AKT3: variants seen among roughly 807,000 people sequenced by gnomAD.
AKT3 encodes the protein RAC-gamma serine/threonine-protein kinase.
In AKT3, 15 loss-of-function variants were observed where a neutral mutation model predicts 65.3. The observed-to-expected ratio is 0.23, with a 90% CI of 0.15 to 0.35. The LOEUF (loss-of-function observed/expected upper bound fraction) is 0.35. Ranked by LOEUF, AKT3 falls within the 10% of genes least tolerant of loss-of-function variation. The pLI is 1.00. For synonymous variants in AKT3, 206 were observed against 183.8 expected (o/e 1.12, Z -0.98); for missense variants, 243 against 576.5 (o/e 0.42, Z 5.92).
chr1:243,641,107 G>T (rs551641903), intron 5 of AKT3, among the ~76,000 whole-genome samples: 18 of 152,120 alleles, frequency 1.2e-4, no homozygotes, highest in African/African-American at 4.3e-4. Context: ...TGCTGTGCTG[G>T]AGGCTTCCTG....
Position 243,825,191 on chromosome 1 carries a change from G to A in AKT3, c.46+17934C>T, listed in dbSNP as rs149714307. The stretch of plus-strand genomic sequence containing the variant: ...ACCACATGTTCTCACTTCTAAGTGG[G>A]AGCTGAACAATGAGAACACATGGAC... On this transcript the variant is annotated intron_variant, in intron 2 of 13. Coordinates refer to ENST00000673466, the MANE Select transcript of AKT3 (RefSeq NM_005465.7). Among the ~76,000 whole-genome samples the A allele has an allele frequency of 4.9e-3, 742 of 152,296 alleles. 2 individuals are homozygous for A. The highest frequency in any genetic ancestry group is 7.6e-3 in the Non-Finnish European group (515 of 68,032).
chr1:243,599,560 T>C (rs1358754580), intron 8 of AKT3, among the ~76,000 whole-genome samples: 1 of 152,128 alleles, frequency 6.6e-6, no homozygotes, highest in Admixed American at 6.6e-5. Flanking sequence ...TGTTTGAAAG[T>C]CTACCGTGAT....
At chr1:243,625,497 C>A (rs1260816312) in intron 6 of AKT3, among the ~76,000 whole-genome samples, 1 of 152,064 alleles carries the variant, frequency 6.6e-6, no homozygotes, top group East Asian at 1.9e-4. Context: ...AATCCTGATG[C>A]TCAAAAAGCT....
At chr1:243,536,778 G>A (rs1408341764) in intron 12 of AKT3, among the ~76,000 whole-genome samples, 1 of 152,160 alleles carries the variant, frequency 6.6e-6, no homozygotes, top group Non-Finnish European at 1.5e-5. Context: ...ATGACCAAAA[G>A]AAGACACTAA....
At chr1:243,850,468 C>G (rs1476956535), upstream of AKT3, among the ~76,000 whole-genome samples, 1 of 151,268 alleles carries the variant, frequency 6.6e-6, no homozygotes, top group East Asian at 2.0e-4. Context: ...GGCTCTGGGC[C>G]CCGGGGCGCG....
intron 2 of AKT3, among the ~76,000 whole-genome samples, chr1:243,822,467 C>A (rs4495685): frequency 0.54 from 75,955 of 141,328 alleles, 23,183 homozygotes; most frequent in Non-Finnish European, 0.69. Context: ...AAAAACCCTT[C>A]AAAAAAAAAA....
intron 2 of AKT3, among the ~76,000 whole-genome samples, chr1:243,735,270 T>C (rs1036392507): frequency 2.6e-5 from 4 of 152,236 alleles, no homozygotes; most frequent in Admixed American, 6.5e-5. Flanking sequence ...AAACTGGCAA[T>C]GCAATAGGTT....
chr1:243,807,733 T>C (rs12063991), intron 2 of AKT3, among the ~76,000 whole-genome samples: 1 of 152,254 alleles, frequency 6.6e-6, no homozygotes, highest in Admixed American at 6.5e-5. Context: ...ACAGACTGCC[T>C]CCTCAAGTGG....
intron 2 of AKT3, among the ~76,000 whole-genome samples, chr1:243,799,081 G>T (rs971196886): frequency 3.9e-5 from 6 of 152,104 alleles, no homozygotes; most frequent in African/African-American, 1.4e-4. Flanking sequence ...ACTGAACTAG[G>T]GCAGGCACTA....
At chr1:243,671,974 C>T (rs575331428) in intron 3 of AKT3, among the ~76,000 whole-genome samples, 1 of 152,188 alleles carries the variant, frequency 6.6e-6, no homozygotes. Context: ...TGTCTGTTCC[C>T]TCTTCTATAC....
At chr1:243,579,121 G>T (rs541663173) in intron 8 of AKT3, among the ~76,000 whole-genome samples, 1 of 152,168 alleles carries the variant, frequency 6.6e-6, no homozygotes, top group Non-Finnish European at 1.5e-5. Context: ...ACGATGTTGA[G>T]GTTTCTCTAT....
intron 2 of AKT3, among the ~76,000 whole-genome samples, chr1:243,785,744 T>G (rs542337280): frequency 6.6e-6 from 1 of 152,232 alleles, no homozygotes; most frequent in Non-Finnish European, 1.5e-5. Context: ...ACTGCCAGAG[T>G]GCACAGCCAT....
chr1:243,634,232 G>T (rs1000615199), intron 6 of AKT3, among the ~76,000 whole-genome samples: 6 of 151,850 alleles, frequency 4.0e-5, no homozygotes, highest in South Asian at 2.1e-4. Flanking sequence ...CAATACATTG[G>T]TTTTTTAATT....
At chr1:243,810,909 GAAC>G (rs1399101993) in intron 2 of AKT3, among the ~76,000 whole-genome samples, 2 of 152,122 alleles carry the variant, frequency 1.3e-5, no homozygotes, top group African/African-American at 2.4e-5. Flanking sequence ...CATATAAACA[GAAC>G]AACGACAAAA....
At chr1:243,808,033 C>G (rs1044306945) in intron 2 of AKT3, 2 of 152,104 alleles carry the variant, frequency 1.3e-5, no homozygotes, top group Non-Finnish European at 2.9e-5. Context: ...CCCATCTGTA[C>G]GTCACCATCA....
chr1:243,815,467 A>C (rs888932901), intron 2 of AKT3, among the ~76,000 whole-genome samples: 1 of 152,142 alleles, frequency 6.6e-6, no homozygotes, highest in Admixed American at 6.5e-5. Context: ...CTTCTACTCA[A>C]ACTTCTACTA....
chr1:243,818,916 T>C (rs1693691995), intron 2 of AKT3, among the ~76,000 whole-genome samples: 1 of 152,082 alleles, frequency 6.6e-6, no homozygotes, highest in East Asian at 1.9e-4. Context: ...GGAGCCACAA[T>C]GGAGAAAGGG....
At position 243,500,024 on chromosome 1, in the gene AKT3, G is replaced by GTGTT; in HGVS notation, c.*5221_*5224dup. On this transcript the variant is annotated 3_prime_UTR_variant, in exon 14 of 14. Transcript: ENST00000673466. The stretch of plus-strand genomic sequence containing the variant: ...GTTTTCAGAAATGGCTTGAAGTTAT[G>GTGTT]TGTTTAAATCTGCTCATTCGTATGC... 1 of 579,318 alleles carries GTGTT rather than the reference G, an allele frequency of 1.7e-6. No individual in the cohort carries two copies. Among genetic ancestry groups the GTGTT allele is most frequent in the Non-Finnish European group, 3.1e-6 (1 of 324,944 alleles). The allele number at this position is 579,318 out of a possible 1,614,324, so 35.9% of individuals were successfully genotyped here.
At chr1:243,849,392 C>G (rs1438834071) in intron 1 of AKT3, among the ~76,000 whole-genome samples, 2 of 142,016 alleles carry the variant, frequency 1.4e-5, no homozygotes, top group Admixed American at 6.9e-5. Context: ...ACACACCCCC[C>G]CCCCCACCCC....
Sources: allele counts gnomAD v4.1 joint callset (sites outside exome capture counted in the v4.1 genomes callset), GRCh38; gene constraint gnomAD v4.1.1; transcripts MANE v1.5; gene names NCBI Gene and HGNC (gene_info 2026-07-23, HGNC 2026-07-21).